MAX: variants seen among roughly 807,000 people sequenced by gnomAD.
MAX encodes MYC associated transcriptional regulator X.
MAX carries 3 observed loss-of-function variants against 22.3 expected under a neutral mutation model. The ratio of observed to expected loss-of-function variants is 0.13; its 90% CI spans 0.06 to 0.35. MAX has a LOEUF of 0.35. Among genes scored for constraint, MAX ranks in the 10% least tolerant of loss-of-function variants. The probability of loss-of-function intolerance (pLI) is 1.00; values close to 1 mark genes in which losing one functional copy is unlikely to be tolerated. For synonymous variants in MAX, 72 were observed against 77.7 expected, an observed-to-expected ratio of 0.93 and a Z score of 0.39; for missense variants, 119 against 209.4, an observed-to-expected ratio of 0.57 and a Z score of 2.66.
rs2063155806 is a variant in MAX at position 65,079,712 on chromosome 14, C to T, written c.172-1676G>A. 6.6e-6 allele frequency among the ~76,000 whole-genome samples: 1 copy of T among 151,986 alleles called. No individual in the cohort carries two copies. The highest frequency in any genetic ancestry group is 1.5e-5 in the Non-Finnish European group (1 of 68,014). On this transcript the variant is annotated intron_variant, in intron 3 of 4. Transcript: ENST00000358664. The surrounding 1 kb of genome is among the most constrained non-coding windows in gnomAD (Gnocchi z 4.5). ...GAGAAAGACAAAGAAAACATGTACA[C>T]CGTGGCTAGCAAAACCAGATCTACT... is the stretch of plus-strand genomic sequence containing the variant.
chr14:65,034,977 CTG>C (rs773560434), intron 3 of MAX, among the ~76,000 whole-genome samples: 29 of 152,242 alleles, frequency 1.9e-4, no homozygotes, highest in Non-Finnish European at 3.8e-4. Context: ...AAGCTACAAA[CTG>C]TCACTCATGC....
At position 65,028,768 on chromosome 14, in the gene MAX, G is replaced by T. The variant is rs567833511; in HGVS notation, c.172-22484C>A. Among the ~76,000 whole-genome samples, 3 of 152,184 alleles carry T rather than the reference G, an allele frequency of 2.0e-5. No individual in the cohort carries two copies. The highest frequency in any genetic ancestry group is 4.4e-5 in the Non-Finnish European group (3 of 68,040). ...CAGTGAAACCAGTAGAACGACTGAG[G>T]TAAATCAGTATGTGTTGATTCTTCT... On this transcript the variant is annotated intron_variant, in intron 3 of 3. Transcript: ENST00000341653. This position sits in a 1 kb window ranked among gnomAD's most constrained non-coding sequence, Gnocchi z 4.4.
At chr14:65,085,224 T>G (rs1346569071) in intron 3 of MAX, among the ~76,000 whole-genome samples, 1 of 152,264 alleles carries the variant, frequency 6.6e-6, no homozygotes, top group Admixed American at 6.5e-5. Context: ...TAATTGGTTC[T>G]ACTCGAAAAT....
chr14:65,087,903 G>A (rs2063382672), intron 3 of MAX, among the ~76,000 whole-genome samples: 1 of 152,186 alleles, frequency 6.6e-6, no homozygotes, highest in Non-Finnish European at 1.5e-5. Flanking sequence ...GGAACTCGGT[G>A]GGAGGTAATT....
In MAX at chr14:65,088,069, G is replaced by A. The variant is rs565481904; in HGVS notation, c.171+5639C>T. 7.2e-5 allele frequency among the ~76,000 whole-genome samples: 11 copies of A among 152,200 alleles called. No individual in the cohort carries two copies. Among genetic ancestry groups the A allele is most frequent in the African/African-American group, 1.4e-4 (6 of 41,530 alleles). ...ACATGACTTGCTCCTCCTTGCCTTCGCCATGATTGTGAGGCTTCCTTCCAG... is the reference window on the plus strand; with the variant it reads ...ACATGACTTGCTCCTCCTTGCCTTCACCATGATTGTGAGGCTTCCTTCCAG... On this transcript the variant is annotated intron_variant, in intron 3 of 4. Transcript: ENST00000358664. The surrounding 1 kb of genome is among the most constrained non-coding windows in gnomAD (Gnocchi z 5.2).
rs1349515262 is a variant in MAX, at chr14:65,009,195, G to A, written c.172-2911C>T. Among the ~76,000 whole-genome samples the A allele has an allele frequency of 1.3e-5, 2 of 152,070 alleles. No individual in the cohort carries two copies. The highest frequency in any genetic ancestry group is 2.9e-5 in the Non-Finnish European group (2 of 68,002). The stretch of plus-strand genomic sequence containing the variant: ...TAGTCAGCTTGGGCTGCCATAAGAC[G>A]GTATCACAGATGGGGTGCATTAAAC... On this transcript the variant is annotated intron_variant, in intron 3 of 3. Transcript: ENST00000341653. This position sits in a 1 kb window ranked among gnomAD's most constrained non-coding sequence, Gnocchi z 4.2.
chr14:65,102,550 G>C (rs899541680), upstream of MAX: 1 of 1,447,086 alleles, frequency 6.9e-7, no homozygotes, highest in Non-Finnish European at 9.1e-7. Flanking sequence ...ACGCACGCCC[G>C]GTCGGCCCCC....
Position 65,046,548 on chromosome 14 carries a change from G to A in MAX, c.172-40264C>T, listed in dbSNP as rs147634511. Among the ~76,000 whole-genome samples, 993 of 152,268 alleles carry A rather than the reference G, an allele frequency of 6.5e-3. 47 individuals carry two copies. The highest frequency in any genetic ancestry group is 0.061 in the Admixed American group (928 of 15,280). ...CATTCAAAGCTTTGTCTATGGAAAA[G>A]GGTGCCTATGAATCTTGGTGCTTCC... On this transcript the variant is annotated intron_variant, in intron 3 of 3. Coordinates refer to the MAX transcript ENST00000341653.
chr14:65,062,518 G>A lies in MAX; in HGVS notation c.171+31190C>T, dbSNP rs1179210025. 1 of 152,688 alleles carries A rather than the reference G, an allele frequency of 6.5e-6. No individual in the cohort carries two copies. Among genetic ancestry groups the A allele is most frequent in the Non-Finnish European group, 1.5e-5 (1 of 68,066 alleles). The allele number at this position is 152,688 out of a possible 1,614,324, so 9.5% of individuals were successfully genotyped here. A position where few individuals can be genotyped will look rare whatever the true frequency, so the allele number is the denominator to read the frequency against. On this transcript the variant is annotated intron_variant, in intron 3 of 3. Transcript: ENST00000341653. This position sits in a 1 kb window ranked among gnomAD's most constrained non-coding sequence, Gnocchi z 4.3. ...TTCATGTAAGCAGCTGTGGGCTGCG[G>A]GCAGACAGGAGCTCAGAGATGCAGC...
At chr14:65,061,791 G>A (rs2062869616) in intron 3 of MAX, 1 of 155,426 alleles carries the variant, frequency 6.4e-6, no homozygotes, top group South Asian at 1.9e-4. Context: ...AGACTGTGGT[G>A]GAGTTGCACC....
In MAX at chr14:65,047,084, T is replaced by C. The variant is rs982352855; in HGVS notation, c.172-40800A>G. ...CCAACTGAAAAACAGGCAAAGGATC[T>C]GAAGAAAGAGGTCCCAGTGAAAGAA... On this transcript the variant is annotated intron_variant, in intron 3 of 3. Coordinates refer to the MAX transcript ENST00000341653. This position sits in a 1 kb window ranked among gnomAD's most constrained non-coding sequence, Gnocchi z 5.2. Among the ~76,000 whole-genome samples the C allele has an allele frequency of 6.6e-6, 1 of 152,196 alleles. No individual in the cohort carries two copies. Among genetic ancestry groups the C allele is most frequent in the African/African-American group, 2.4e-5 (1 of 41,458 alleles).
At chr14:65,039,871 A>C (rs1051528731) in intron 3 of MAX, among the ~76,000 whole-genome samples, 22 of 152,308 alleles carry the variant, frequency 1.4e-4, no homozygotes, top group Admixed American at 7.2e-4. Context: ...AAAAGGAAAA[A>C]TATTACTAGT....
rs1302380938 is a variant in MAX, at chr14:65,062,102, A to T, written c.171+31606T>A. 6.6e-6 allele frequency: 1 copy of T among 152,330 alleles called. No homozygotes were observed. Among genetic ancestry groups the T allele is most frequent in the Non-Finnish European group, 1.5e-5 (1 of 68,098 alleles). The allele number at this position is 152,330 out of a possible 1,614,324, so 9.4% of individuals were successfully genotyped here. A position where few individuals can be genotyped will look rare whatever the true frequency, so the allele number is the denominator to read the frequency against. On this transcript the variant is annotated intron_variant, in intron 3 of 3. Coordinates refer to the MAX transcript ENST00000341653. This position sits in a 1 kb window ranked among gnomAD's most constrained non-coding sequence, Gnocchi z 4.3. ...CCTGCCTCACTCCTCCCTATCATGTACCGTGAAAACCCCCTCTGATGGCCT... is the reference window on the plus strand; with the variant it reads ...CCTGCCTCACTCCTCCCTATCATGTTCCGTGAAAACCCCCTCTGATGGCCT...
intron 2 of MAX, among the ~76,000 whole-genome samples, chr14:65,098,378 G>A (rs76152651): frequency 0.015 from 2,330 of 152,298 alleles, 28 homozygotes; most frequent in Admixed American, 0.024. Flanking sequence ...GCTCTGAGAA[G>A]TTAAAAATAT....
At position 65,008,981 on chromosome 14, in the gene MAX, G is replaced by T. The variant is rs539479302; in HGVS notation, c.172-2697C>A. Reference sequence around the variant, plus strand: ...CCTCATCCACTTGAGCTGACAGCCTGCATCCCACCCTGCACCCCCTCAAGT... The same window carrying T: ...CCTCATCCACTTGAGCTGACAGCCTTCATCCCACCCTGCACCCCCTCAAGT... On this transcript the variant is annotated intron_variant, in intron 3 of 3. Coordinates refer to the MAX transcript ENST00000341653. 3.3e-5 allele frequency among the ~76,000 whole-genome samples: 5 copies of T among 152,266 alleles called. No individual in the cohort carries two copies. The South Asian group carries it at 1.0e-3, about 32-fold the overall frequency.
rs761928445 is a variant in MAX at position 65,027,771 on chromosome 14, G to A, written c.172-21487C>T. 1 of 1,614,138 alleles carries A rather than the reference G, an allele frequency of 6.2e-7. No homozygotes were observed. Among genetic ancestry groups the A allele is most frequent in the Non-Finnish European group, 8.5e-7 (1 of 1,180,028 alleles). ...CTTTCTCATGCATGTCGGAGGTGAG[G>A]TGGATGTGAGGTGAGTGGGGTTTTG... On this transcript the variant is annotated intron_variant, in intron 3 of 3. Transcript: ENST00000341653. The surrounding 1 kb of genome is among the most constrained non-coding windows in gnomAD (Gnocchi z 5.7).
chr14:65,076,236 C>A lies in MAX; in HGVS notation c.*240G>T. ...GTTGGGGTGTTTTGGTTTAAAAATT[C>A]CTGTTGGGGACAGGGAATCCCTGAA... On this transcript the variant is annotated 3_prime_UTR_variant, in exon 5 of 5. Transcript: ENST00000358664. The surrounding 1 kb of genome is among the most constrained non-coding windows in gnomAD (Gnocchi z 6.6). The A allele has an allele frequency of 1.4e-6, 2 of 1,424,944 alleles. No individual in the cohort carries two copies. The highest frequency in any genetic ancestry group is 1.8e-6 in the Non-Finnish European group (2 of 1,095,382). 88.3% of individuals were successfully genotyped at this position (1,424,944 alleles called of 1,614,324 possible). A position where few individuals can be genotyped will look rare whatever the true frequency, so the allele number is the denominator to read the frequency against.
rs2061686242 is a variant in MAX, at chr14:65,011,704, A to G, written c.172-5420T>C. On this transcript the variant is annotated intron_variant, in intron 3 of 3. Coordinates refer to the MAX transcript ENST00000341653. This position sits in a 1 kb window ranked among gnomAD's most constrained non-coding sequence, Gnocchi z 4.0. Reference sequence around the variant, plus strand: ...CAGGTGGCCATGGGCGGCACATTCCATCTTAAAGCCAGTATTGCTGACTTG... The same window carrying G: ...CAGGTGGCCATGGGCGGCACATTCCGTCTTAAAGCCAGTATTGCTGACTTG... 6.6e-6 allele frequency among the ~76,000 whole-genome samples: 1 copy of G among 152,200 alleles called. No individual in the cohort carries two copies. Among genetic ancestry groups the G allele is most frequent in the Non-Finnish European group, 1.5e-5 (1 of 68,036 alleles).
intron 3 of MAX, among the ~76,000 whole-genome samples, chr14:65,060,813 C>T (rs907291183): frequency 7.4e-6 from 1 of 135,606 alleles, no homozygotes; most frequent in Admixed American, 8.7e-5. Flanking sequence ...GCAGAGGTTG[C>T]AGTGAGCTAA....
Sources: gnomAD v4.1 joint callset for allele counts (sites outside exome capture counted in the v4.1 genomes callset) on GRCh38, gnomAD v4.1.1 for gene constraint, Gnocchi (gnomAD v3.1) non-coding constraint, MANE v1.5 for transcripts, NCBI Gene and HGNC (gene_info 2026-07-23, HGNC 2026-07-21) for gene names.